The following SORCS1 variants were observed in gnomAD, a reference collection of about 807,000 sequenced individuals.
SORCS1 encodes sortilin related VPS10 domain containing receptor 1.
SORCS1 carries 60 observed loss-of-function variants against 146.1 expected under a neutral mutation model. That is an observed-to-expected ratio of 0.41 (90% CI 0.33 to 0.51). SORCS1 has a LOEUF of 0.51. SORCS1 is among the 20% of genes least tolerant of loss of function. The probability of loss-of-function intolerance (pLI) is 0.21; values close to 1 mark genes in which losing one functional copy is unlikely to be tolerated. For synonymous variants in SORCS1, 637 were observed against 584.0 expected, an observed-to-expected ratio of 1.09 and a Z score of -1.31; for missense variants, 1,352 against 1,487.6, an observed-to-expected ratio of 0.91 and a Z score of 1.50.
intron 1 of SORCS1, among the ~76,000 whole-genome samples, chr10:106,998,745 C>T (rs561589420): frequency 3.5e-4 from 53 of 152,310 alleles, no homozygotes; most frequent in South Asian, 3.1e-3. Flanking sequence ...CACACCAATA[C>T]CTCATTTTAA....
chr10:106,806,688 C>T (rs7077221), intron 3 of SORCS1, among the ~76,000 whole-genome samples: 62,840 of 150,684 alleles, frequency 0.42, 13,229 homozygotes, highest in African/African-American at 0.47. Flanking sequence ...GCTAATTTTT[C>T]GTATTTTTAG....
At chr10:106,746,721 C>A (rs906694525) in intron 5 of SORCS1, among the ~76,000 whole-genome samples, 1 of 152,206 alleles carries the variant, frequency 6.6e-6, no homozygotes, top group Admixed American at 6.5e-5. Flanking sequence ...TCCCTGGTTA[C>A]CACAGACAGA....
intron 1 of SORCS1, among the ~76,000 whole-genome samples, chr10:107,067,296 CT>C (rs145060045): frequency 0.016 from 2,297 of 146,168 alleles, 61 homozygotes; most frequent in African/African-American, 0.045. Context: ...TTCAACTTAA[CT>C]TTTTTTTTTT....
chr10:106,852,002 T>C (rs1401707577), intron 2 of SORCS1, among the ~76,000 whole-genome samples: 2 of 152,228 alleles, frequency 1.3e-5, no homozygotes, highest in East Asian at 3.8e-4. Flanking sequence ...TGCTTGTTTG[T>C]TACTAGTGTA....
intron 2 of SORCS1, among the ~76,000 whole-genome samples, chr10:106,939,689 G>A (rs1172043284): frequency 6.6e-6 from 1 of 152,156 alleles, no homozygotes; most frequent in Non-Finnish European, 1.5e-5. Context: ...CTGTGCTGAG[G>A]AATAACTCTT....
Position 106,706,651 on chromosome 10 carries a change from A to T in SORCS1, c.1144-17T>A, listed in dbSNP as rs1245431634. ...TGATGTCAGCTGGATCATAAAAACA[A>T]GACTGTAAGAAGCTCGAGCTACTGT... On this transcript the variant is annotated splice_polypyrimidine_tract_variant and intron_variant, in intron 7 of 25. Transcript: ENST00000263054. 1 of 1,613,278 alleles carries T rather than the reference A, an allele frequency of 6.2e-7. No individual in the cohort carries two copies. The highest frequency in any genetic ancestry group is 8.5e-7 in the Non-Finnish European group (1 of 1,179,226).
At chr10:107,081,320 C>T (rs1309920630) in intron 1 of SORCS1, among the ~76,000 whole-genome samples, 1 of 152,182 alleles carries the variant, frequency 6.6e-6, no homozygotes, top group Admixed American at 6.5e-5. Flanking sequence ...AGGAATCTGC[C>T]ATGAATTTCT....
At chr10:106,602,308 A>T (rs940970980) in intron 23 of SORCS1, among the ~76,000 whole-genome samples, 1 of 152,140 alleles carries the variant, frequency 6.6e-6, no homozygotes, top group African/African-American at 2.4e-5. Flanking sequence ...GTTGCCTGGG[A>T]TGACCTGGGA....
intron 13 of SORCS1, among the ~76,000 whole-genome samples, chr10:106,675,394 G>A (rs1215021641): frequency 6.6e-6 from 1 of 152,118 alleles, no homozygotes; most frequent in Non-Finnish European, 1.5e-5. Context: ...TACATTAAAT[G>A]AGAATAACTA....
At chr10:106,759,216 ACT>A (rs1858891475) in intron 5 of SORCS1, among the ~76,000 whole-genome samples, 1 of 152,158 alleles carries the variant, frequency 6.6e-6, no homozygotes, top group Admixed American at 6.5e-5. Flanking sequence ...TCTGCCTGTA[ACT>A]CTAAAGGCTG....
At chr10:106,926,850 CACACACACACACACACAGAGAGAGAG>C (rs1457782327) in intron 2 of SORCS1, among the ~76,000 whole-genome samples, 2 of 128,856 alleles carry the variant, frequency 1.6e-5, no homozygotes, top group African/African-American at 6.5e-5. Flanking sequence ...CACACACACA[CACACACACACACACACAGAGAGAGAG>C]AGAGAGAGAG....
At chr10:106,822,104 A>ATTTATT (rs1326322566) in intron 3 of SORCS1, among the ~76,000 whole-genome samples, 1 of 147,186 alleles carries the variant, frequency 6.8e-6, no homozygotes, top group Non-Finnish European at 1.5e-5. Flanking sequence ...TCATTAATTA[A>ATTTATT]TTTATTTTTT....
chr10:106,733,166 C>T (rs1049964030), intron 5 of SORCS1, among the ~76,000 whole-genome samples: 1 of 149,496 alleles, frequency 6.7e-6, no homozygotes, highest in Non-Finnish European at 1.5e-5. Context: ...GAGGCAAGAG[C>T]AAAACAGAGT....
intron 3 of SORCS1, among the ~76,000 whole-genome samples, chr10:106,801,829 T>C (rs889853035): frequency 2.0e-5 from 3 of 152,088 alleles, no homozygotes; most frequent in Non-Finnish European, 2.9e-5. Context: ...CGTGCCCAGC[T>C]AGTATAGACG....
chr10:106,984,297 G>A (rs1956362186), intron 1 of SORCS1, among the ~76,000 whole-genome samples: 1 of 151,930 alleles, frequency 6.6e-6, no homozygotes, highest in African/African-American at 2.4e-5. Context: ...TTACTCACAA[G>A]GAAATTGCCC....
intron 2 of SORCS1, among the ~76,000 whole-genome samples, chr10:106,874,729 T>C (rs1950537145): frequency 6.6e-6 from 1 of 152,142 alleles, no homozygotes; most frequent in Non-Finnish European, 1.5e-5. Flanking sequence ...CTTTAAGATG[T>C]ATTAGAGGAA....
chr10:106,804,439 C>T (rs1460676715), intron 3 of SORCS1, among the ~76,000 whole-genome samples: 1 of 151,702 alleles, frequency 6.6e-6, no homozygotes, highest in Admixed American at 6.6e-5. Flanking sequence ...AATAATCCTT[C>T]TACGTGGTAA....
chr10:106,722,957 A>G (rs1266615920), intron 6 of SORCS1, among the ~76,000 whole-genome samples: 1 of 152,218 alleles, frequency 6.6e-6, no homozygotes, highest in Non-Finnish European at 1.5e-5. Flanking sequence ...CCAGGACTCC[A>G]CAGACCCAGT....
At chr10:106,990,216 A>G (rs969769262) in intron 1 of SORCS1, among the ~76,000 whole-genome samples, 3 of 152,136 alleles carry the variant, frequency 2.0e-5, no homozygotes, top group African/African-American at 2.4e-5. Context: ...TAAAGCAAAC[A>G]TTTGCCCTAT....
Sources: allele counts gnomAD v4.1 joint callset (sites outside exome capture counted in the v4.1 genomes callset), GRCh38; gene constraint gnomAD v4.1.1; transcripts MANE v1.5; gene names NCBI Gene and HGNC (gene_info 2026-07-23, HGNC 2026-07-21).